CACNA1A: variants seen among roughly 807,000 people sequenced by gnomAD.
CACNA1A encodes the protein calcium voltage-gated channel subunit alpha1 A.
Under a neutral mutation model 262.4 loss-of-function variants are expected in CACNA1A, and 57 were observed. That is an observed-to-expected ratio of 0.22 (90% confidence interval 0.18 to 0.27). The LOEUF (loss-of-function observed/expected upper bound fraction) is 0.27, where lower values mean the gene tolerates loss of function less well. Among genes scored for constraint, CACNA1A ranks in the 10% least tolerant of loss-of-function variants. The pLI, the probability that CACNA1A is intolerant of heterozygous loss-of-function variation, is 1.00. For synonymous variants in CACNA1A, 1,431 were observed against 1,419.3 expected (o/e 1.01, Z -0.18); for missense variants, 2,526 against 3,562.8 (o/e 0.71, Z 7.41).
At chr19:13,502,593 C>A (rs561319416) in intron 1 of CACNA1A, among the ~76,000 whole-genome samples, 6 of 152,102 alleles carry the variant, frequency 3.9e-5, no homozygotes, top group Non-Finnish European at 8.8e-5. Context: ...AAACATGAAA[C>A]CAAGGTGTGT....
intron 10 of CACNA1A, among the ~76,000 whole-genome samples, chr19:13,320,450 G>T (rs536196835): frequency 6.6e-6 from 1 of 152,292 alleles, no homozygotes; most frequent in African/African-American, 2.4e-5. Context: ...ATACATCTTA[G>T]CGTGATGCTA....
chr19:13,254,321 T>G (rs1392623598), intron 29 of CACNA1A, among the ~76,000 whole-genome samples: 1 of 151,974 alleles, frequency 6.6e-6, no homozygotes, highest in African/African-American at 2.4e-5. Context: ...CTGGGGATTT[T>G]AGGGTCCTCA....
chr19:13,277,024 A>T (rs1600226807), intron 23 of CACNA1A, 45 bp downstream of exon 23: 10 of 876,714 alleles, frequency 1.1e-5, no homozygotes, highest in Non-Finnish European at 1.7e-5. Flanking sequence ...GCACTTGCTT[A>T]AAAAAAAAAA....
chr19:13,379,488 T>C (rs1159796062), intron 3 of CACNA1A, among the ~76,000 whole-genome samples: 1 of 152,074 alleles, frequency 6.6e-6, no homozygotes, highest in Non-Finnish European at 1.5e-5. Context: ...GTTAGGGCGA[T>C]GAGTGCTTAG....
At chr19:13,475,513 T>C (rs1978421250) in intron 1 of CACNA1A, among the ~76,000 whole-genome samples, 1 of 152,192 alleles carries the variant, frequency 6.6e-6, no homozygotes, top group Admixed American at 6.5e-5. Flanking sequence ...CACACAGCCA[T>C]ACCTAACTTC....
At chr19:13,469,460 CTTTTTTTTTT>C (rs1164678494) in intron 1 of CACNA1A, among the ~76,000 whole-genome samples, 2 of 62,232 alleles carry the variant, frequency 3.2e-5, no homozygotes, top group Non-Finnish European at 6.0e-5. Flanking sequence ...TGAACCACCT[CTTTTTTTTTT>C]TTTTTTTTTT....
chr19:13,386,669 T>A (rs1460210429), intron 3 of CACNA1A, among the ~76,000 whole-genome samples: 2 of 151,924 alleles, frequency 1.3e-5, no homozygotes, highest in African/African-American at 2.4e-5. Context: ...GGCAGGCACC[T>A]GTAATCCCAG....
At position 13,255,232 on chromosome 19, in the gene CACNA1A, C is replaced by T. The variant is rs761579946; in HGVS notation, c.4618G>A (p.Ala1540Thr). Residue 1540 changes from alanine to threonine, a missense_variant, in exon 29 of 47, where the codon GCC becomes ACC. Physicochemically the swap from Ala to Thr is moderately conservative, Grantham distance 58. Around this residue, in one of 17 missense-constraint regions of CACNA1A, gnomAD observed 137 missense variants for 377.7 expected, o/e 0.36. Transcript: ENST00000360228. ...GGCATGTGTCGGGTCAGCGGCTTGGCGCTGATGGCGAAATCAATGCAGGCC... is the reference window on the plus strand; with the variant it reads ...GGCATGTGTCGGGTCAGCGGCTTGGTGCTGATGGCGAAATCAATGCAGGCC... Reference protein sequence around the residue: ...ERACIDFAISAKPLTRHMPQN... With the variant: ...ERACIDFAISTKPLTRHMPQN... 12 of 1,603,726 alleles carry T rather than the reference C, an allele frequency of 7.5e-6. No homozygotes were observed. Among genetic ancestry groups the T allele is most frequent in the African/African-American group, 2.7e-5 (2 of 74,706 alleles).
At chr19:13,442,907 A>G (rs1161268083) in intron 3 of CACNA1A, among the ~76,000 whole-genome samples, 1 of 152,224 alleles carries the variant, frequency 6.6e-6, no homozygotes, top group Non-Finnish European at 1.5e-5. Flanking sequence ...ACTTGACCTT[A>G]GAGAAATAGC....
chr19:13,445,571 A>T (rs777988661), intron 3 of CACNA1A, among the ~76,000 whole-genome samples: 1 of 152,158 alleles, frequency 6.6e-6, no homozygotes, highest in South Asian at 2.1e-4. Context: ...AAAAGAAAAA[A>T]AATTGTGCTC....
Position 13,286,916 on chromosome 19 carries a change from G to T in CACNA1A, c.3140C>A (p.Thr1047Asn). ...VPVSGPNLST[T>N]RPIQQDLGRQ... is the part of the protein sequence containing the mutation. ...GCCCAGGTCCTGCTGGATTGGCCGG[G>T]TGGTTGACAGGTTGGGGCCCGACAC... The change falls in exon 20 of 47, where the codon ACC (threonine) becomes AAC (asparagine). Residue 1047 changes from threonine to asparagine, a missense_variant. Physicochemically the swap from Thr to Asn is moderately conservative, Grantham distance 65 (BLOSUM62 0). Transcript: ENST00000360228. The T allele has an allele frequency of 6.2e-7, 1 of 1,612,724 alleles. No individual in the cohort carries two copies. The highest frequency in any genetic ancestry group is 8.5e-7 in the Non-Finnish European group (1 of 1,179,450).
intron 3 of CACNA1A, among the ~76,000 whole-genome samples, chr19:13,428,472 C>T (rs1383062620): frequency 1.3e-5 from 2 of 152,100 alleles, no homozygotes; most frequent in East Asian, 3.9e-4. Flanking sequence ...GAAGTATTTC[C>T]TTTTTACCTG....
chr19:13,309,031 G>A (rs2145008026), intron 12 of CACNA1A, among the ~76,000 whole-genome samples: 1 of 150,104 alleles, frequency 6.7e-6, no homozygotes, highest in African/African-American at 2.5e-5. Flanking sequence ...ATTTTGAGAT[G>A]GAGTCTTGCT....
chr19:13,418,005 C>T (rs534611370), intron 3 of CACNA1A, among the ~76,000 whole-genome samples: 4 of 151,660 alleles, frequency 2.6e-5, no homozygotes, highest in South Asian at 2.1e-4. Flanking sequence ...TCCTTCCTGG[C>T]GGTTAGCACA....
In CACNA1A at chr19:13,474,779, T is replaced by A. The variant is rs1012434566; in HGVS notation, c.294-19567A>T. On this transcript the variant is annotated intron_variant, in intron 1 of 46. Coordinates refer to ENST00000360228, the MANE Select transcript of CACNA1A (RefSeq NM_001127222.2). ...TTGCAGTGAGCCAACATCACACCAC[T>A]GCACTCCAGCCTGGGCAACAGAGGG... Among the ~76,000 whole-genome samples, 4 of 149,790 alleles carry A rather than the reference T, an allele frequency of 2.7e-5. No individual in the cohort carries two copies. In the East Asian group the frequency reaches 7.9e-4, roughly 30 times the overall value.
intron 1 of CACNA1A, among the ~76,000 whole-genome samples, chr19:13,492,392 A>C (rs1250606799): frequency 6.6e-6 from 1 of 152,230 alleles, no homozygotes; most frequent in Non-Finnish European, 1.5e-5. Flanking sequence ...TGAAGATGTA[A>C]AATCAAGGGA....
At chr19:13,473,062 G>T (rs1319418383) in intron 1 of CACNA1A, among the ~76,000 whole-genome samples, 1 of 152,066 alleles carries the variant, frequency 6.6e-6, no homozygotes, top group Non-Finnish European at 1.5e-5. Context: ...AGACCAGTCT[G>T]GGCAATATAG....
chr19:13,283,069 G>T (rs1479854390), intron 22 of CACNA1A, among the ~76,000 whole-genome samples, 198 bp downstream of exon 22: 1 of 152,170 alleles, frequency 6.6e-6, no homozygotes, highest in Non-Finnish European at 1.5e-5. Flanking sequence ...GGCTCACAGA[G>T]AAACTGCCTC....
intron 3 of CACNA1A, 109 bp from the exon 4 acceptor site, chr19:13,371,888 A>T (rs1038774725): frequency 2.5e-6 from 2 of 787,390 alleles, no homozygotes; most frequent in Non-Finnish European, 4.4e-6. Context: ...GGGTGACCAC[A>T]GGCAGGTGAC....
Sources: gnomAD v4.1 joint callset for allele counts (sites outside exome capture counted in the v4.1 genomes callset) on GRCh38, gnomAD v4.1.1 for gene constraint, gnomAD v4.1.1 regional missense constraint, MANE v1.5 for transcripts, NCBI Gene and HGNC (gene_info 2026-07-23, HGNC 2026-07-21) for gene names.